The following POU4F1 variants were observed in gnomAD, a reference collection of about 807,000 sequenced individuals.
POU4F1 encodes POU domain, class 4, transcription factor 1.
A neutral mutation model predicts 19.8 loss-of-function variants in POU4F1; 5 were observed. That is an observed-to-expected ratio of 0.25 (90% CI 0.13 to 0.53). The LOEUF is 0.53. Among genes scored for constraint, POU4F1 ranks in the 20% least tolerant of loss-of-function variants. The pLI, the probability that POU4F1 is intolerant of heterozygous loss-of-function variation, is 0.96. For synonymous variants in POU4F1, 266 were observed against 247.7 expected (o/e 1.07, Z -0.69); for missense variants, 408 against 511.6 (o/e 0.80, Z 1.95).
At position 78,601,627 on chromosome 13, in the gene POU4F1, A is replaced by G. The variant is rs982672511; in HGVS notation, c.1048T>C (p.Phe350Leu). The G allele has an allele frequency of 8.7e-6, 14 of 1,613,842 alleles. No individual in the cohort carries two copies. Among genetic ancestry groups the G allele is most frequent in the Middle Eastern group, 1.6e-4 (1 of 6,062 alleles). The change falls in exon 2 of 2, where the codon TTC becomes CTC. Residue 350 changes from phenylalanine (F) to leucine (L), a missense_variant. Phe to Leu is a conservative substitution (Grantham distance 22). Around this residue, in one of 4 missense-constraint regions of POU4F1, gnomAD observed 39 missense variants for 36.8 expected, o/e 1.06. Transcript: ENST00000377208. ...QREKMNKPEL[F>L]NGGEKKRKRT... ...TTGCGCTTCTTCTCGCCGCCGTTGA[A>G]GAGCTCAGGCTTGTTCATTTTCTCG... is the stretch of plus-strand genomic sequence containing the variant.
chr13:78,603,153 G>A (rs1874781684), intron 1 of POU4F1, 51 bp downstream of exon 1: 1 of 1,288,338 alleles, frequency 7.8e-7, no homozygotes, highest in Non-Finnish European at 1.0e-6. Context: ...GCGTTTCGGA[G>A]ACGGGGAGGG....
chr13:78,603,297 G>C lies in POU4F1; in HGVS notation c.30C>G (p.His10Gln). The stretch of plus-strand genomic sequence containing the variant: ...CAGGGAGGGTGGGATGCATGGCAAA[G>C]TGAGGCTGCTTGCTGTTCATGGACA... MMSMNSKQP[H>Q]FAMHPTLPEH... The change falls in exon 1 of 2, where the codon CAC (histidine) becomes CAG (glutamine). Residue 10 changes from histidine (H) to glutamine (Q), a missense_variant. By Grantham distance (24) the His-to-Gln change is conservative (BLOSUM62 0). This residue lies in a region of POU4F1 where 294 missense variants were observed against 288.2 expected (regional missense o/e 1.02). Transcript: ENST00000377208. 2 of 1,581,052 alleles carry C rather than the reference G, an allele frequency of 1.3e-6. No homozygotes were observed. The highest frequency in any genetic ancestry group is 1.7e-6 in the Non-Finnish European group (2 of 1,164,646).
At position 78,602,491 on chromosome 13, in the gene POU4F1, C is replaced by T; in HGVS notation, c.184G>A (p.Ala62Thr). 5.0e-6 allele frequency: 8 copies of T among 1,596,356 alleles called. No individual in the cohort carries two copies. Among genetic ancestry groups the T allele is most frequent in the Admixed American group, 1.7e-5 (1 of 57,958 alleles). The stretch of plus-strand genomic sequence containing the variant: ...TGGGACACGGCGATGTCCACGGCCG[C>T]CAGCGCCTCGGCCCGCGCCAGCAGC... Reference protein sequence around the residue: ...ETLLARAEALAAVDIAVSQGK... With the variant: ...ETLLARAEALTAVDIAVSQGK... The change falls in exon 2 of 2, where the codon GCG becomes ACG. Residue 62 changes from alanine to threonine, a missense_variant. By Grantham distance (58) the Ala-to-Thr change is moderately conservative. Transcript: ENST00000377208.
Position 78,601,886 on chromosome 13 carries a change from C to T in POU4F1, c.789G>A (p.Thr263=), listed in dbSNP as rs770801777. ...CGAACGCCTCGAGCTCGCGCGGGTC[C>T]GTGTCCGAGTCGCAGATGGACGCCA... ...AGLASICDSD[T]DPRELEAFAE... Residue 263 remains threonine, a synonymous_variant, in exon 2 of 2, where the codon ACG becomes ACA. Transcript: ENST00000377208. 3.9e-6 allele frequency: 6 copies of T among 1,555,716 alleles called. No individual in the cohort carries two copies. Among genetic ancestry groups the T allele is most frequent in the Non-Finnish European group, 3.5e-6 (4 of 1,158,692 alleles).
intron 1 of POU4F1, among the ~76,000 whole-genome samples, 193 bp from the exon 2 acceptor site, chr13:78,602,744 G>C (rs1874766881): frequency 7.1e-6 from 1 of 140,638 alleles, no homozygotes; most frequent in East Asian, 2.3e-4. Flanking sequence ...GACCAGGGAG[G>C]GGGCAGACGA....
rs1874717607 is a variant in POU4F1, at chr13:78,601,986, G to T, written c.689C>A (p.Ala230Glu). The change falls in exon 2 of 2, where the codon GCG becomes GAG. Residue 230 changes from alanine (A) to glutamate (E), a missense_variant. Coordinates refer to ENST00000377208, the MANE Select transcript of POU4F1 (RefSeq NM_006237.4). ...CCCGGCCGCCGCCGCCGCCGCTGCC[G>T]CTGCCGCGCCGTGGTGCGCCGCCGC... ...VAAAAHHGAAAAAAAAAAGQV... is the reference protein window; with the variant it reads ...VAAAAHHGAAEAAAAAAAGQV... 1.0e-6 allele frequency: 1 copy of T among 983,640 alleles called. No individual in the cohort carries two copies. Among genetic ancestry groups the T allele is most frequent in the East Asian group, 1.0e-4 (1 of 10,024 alleles). 60.9% of individuals were successfully genotyped at this position (983,640 alleles called of 1,614,324 possible). A position where few individuals can be genotyped will look rare whatever the true frequency, so the allele number is the denominator to read the frequency against.
In POU4F1 at chr13:78,601,706, G is replaced by A. The variant is rs748005898; in HGVS notation, c.969C>T (p.Ile323=). ...ESLTLSHNNM[I]ALKPILQAWL... ...ACGCCTGCAGGATGGGCTTGAGCGC[G>A]ATCATGTTGTTGTGCGAGAGCGTGA... Residue 323 remains isoleucine, a synonymous_variant, in exon 2 of 2, where the codon ATC becomes ATT. Transcript: ENST00000377208. 6.2e-6 allele frequency: 10 copies of A among 1,613,936 alleles called. No homozygotes were observed. In the South Asian group the frequency reaches 1.1e-4, roughly 18 times the overall value.
Position 78,603,132 on chromosome 13 carries a change from C to G in POU4F1, c.123+72G>C. On this transcript the variant is annotated intron_variant, in intron 1 of 1. Coordinates refer to ENST00000377208, the MANE Select transcript of POU4F1 (RefSeq NM_006237.4). The stretch of plus-strand genomic sequence containing the variant: ...GCACCGGGACCTGCACACACCAGCC[C>G]CCGACATGCAGCGTTTCGGAGACGG... The G allele has an allele frequency of 4.1e-6, 5 of 1,212,306 alleles. No individual in the cohort carries two copies. In the South Asian group the frequency reaches 8.2e-5, roughly 20 times the overall value. 75.1% of individuals were successfully genotyped at this position (1,212,306 alleles called of 1,614,324 possible).
Position 78,601,518 on chromosome 13 carries a change from G to A in POU4F1, c.1157C>T (p.Ala386Val). The change falls in exon 2 of 2, where the codon GCC becomes GTC. Residue 386 changes from alanine to valine, a missense_variant. Coordinates refer to ENST00000377208, the MANE Select transcript of POU4F1 (RefSeq NM_006237.4). ...GAGGTCCAGTTTCTCGGCGATGGCG[G>A]CGATCTTCTCGGACGAGGGCCGGGG... Reference protein sequence around the residue: ...VQPRPSSEKIAAIAEKLDLKK... With the variant: ...VQPRPSSEKIVAIAEKLDLKK... 6.2e-7 allele frequency: 1 copy of A among 1,613,964 alleles called. No individual in the cohort carries two copies.
At position 78,599,718 on chromosome 13, in the gene POU4F1, T is replaced by C. The variant is rs1200984056; in HGVS notation, c.*1697A>G. The C allele has an allele frequency of 6.6e-6, 1 of 152,496 alleles. No individual in the cohort carries two copies. Among genetic ancestry groups the C allele is most frequent in the Non-Finnish European group, 1.5e-5 (1 of 68,026 alleles). 9.4% of individuals were successfully genotyped at this position (152,496 alleles called of 1,614,324 possible). A position where few individuals can be genotyped will look rare whatever the true frequency, so the allele number is the denominator to read the frequency against. On this transcript the variant is annotated 3_prime_UTR_variant, in exon 2 of 2. Coordinates refer to ENST00000377208, the MANE Select transcript of POU4F1 (RefSeq NM_006237.4). ...TTTTTTTCTTTTCTCATTTGTTCTG[T>C]TTTCAATGTTTTAGTTATGATTAAA...
rs1209665732 is a variant in POU4F1, at chr13:78,599,588, T to C, written c.*1827A>G. 2 of 152,638 alleles carry C rather than the reference T, an allele frequency of 1.3e-5. No individual in the cohort carries two copies. Among genetic ancestry groups the C allele is most frequent in the Non-Finnish European group, 2.9e-5 (2 of 68,032 alleles). 9.5% of individuals were successfully genotyped at this position (152,638 alleles called of 1,614,324 possible). Reference sequence around the variant, plus strand: ...AATGTTTGCCCTGCAAACAATGATATACAACATAATTAAATAAATAATGCC... The same window carrying C: ...AATGTTTGCCCTGCAAACAATGATACACAACATAATTAAATAAATAATGCC... On this transcript the variant is annotated 3_prime_UTR_variant, in exon 2 of 2. Coordinates refer to ENST00000377208, the MANE Select transcript of POU4F1 (RefSeq NM_006237.4).
rs778683680 is a variant in POU4F1, at chr13:78,600,238, A to G, written c.*1177T>C. ...TTCAGTGGAGAAAACAGGAGAGAGT[A>G]TCTCTCCTAATAACTTTCACCCCAT... On this transcript the variant is annotated 3_prime_UTR_variant, in exon 2 of 2. Transcript: ENST00000377208. 1.3e-5 allele frequency: 2 copies of G among 152,322 alleles called. No individual in the cohort carries two copies. Among genetic ancestry groups the G allele is most frequent in the African/African-American group, 4.8e-5 (2 of 41,570 alleles). The allele number at this position is 152,322 out of a possible 1,614,324, so 9.4% of individuals were successfully genotyped here. A position where few individuals can be genotyped will look rare whatever the true frequency, so the allele number is the denominator to read the frequency against.
Position 78,601,339 on chromosome 13 carries a change from A to G in POU4F1, c.*76T>C. 1 of 1,587,966 alleles carries G rather than the reference A, an allele frequency of 6.3e-7. No individual in the cohort carries two copies. Among genetic ancestry groups the G allele is most frequent in the Non-Finnish European group, 8.6e-7 (1 of 1,169,552 alleles). ...TAACGGACACTCCAAATCCGAGGGG[A>G]GGCAAGCAGAGGAAAGCCCCCCAAA... is the stretch of plus-strand genomic sequence containing the variant. On this transcript the variant is annotated 3_prime_UTR_variant, in exon 2 of 2. Coordinates refer to ENST00000377208, the MANE Select transcript of POU4F1 (RefSeq NM_006237.4).
Position 78,603,210 on chromosome 13 carries a change from C to G in POU4F1, c.117G>C (p.Thr39=), listed in dbSNP as rs1464849010. ...GCGGGCGTGGGGCGCTTACCGGCGGCGTGGGCAGGCAGGCCCGCCGGATGG... is the reference window on the plus strand; with the variant it reads ...GCGGGCGTGGGGCGCTTACCGGCGGGGTGGGCAGGCAGGCCCGCCGGATGG... ...SEAIRRACLP[T]PPLQSNLFAS... is the part of the protein sequence containing the mutation. Residue 39 remains threonine, a synonymous_variant, in exon 1 of 2, where the codon ACG becomes ACC. Coordinates refer to ENST00000377208, the MANE Select transcript of POU4F1 (RefSeq NM_006237.4). The G allele has an allele frequency of 4.5e-6, 7 of 1,540,816 alleles. No homozygotes were observed. The highest frequency in any genetic ancestry group is 6.1e-6 in the Non-Finnish European group (7 of 1,144,924).
In POU4F1 at chr13:78,602,018, C is replaced by A. The variant is rs1337314001; in HGVS notation, c.657G>T (p.Leu219=). 10 of 829,218 alleles carry A rather than the reference C, an allele frequency of 1.2e-5. No individual in the cohort carries two copies. The South Asian group carries it at 5.2e-4, about 43-fold the overall frequency. The allele number at this position is 829,218 out of a possible 1,614,324, so 51.4% of individuals were successfully genotyped here. A position where few individuals can be genotyped will look rare whatever the true frequency, so the allele number is the denominator to read the frequency against. Residue 219 remains leucine, a synonymous_variant, in exon 2 of 2, where the codon CTG becomes CTT. Transcript: ENST00000377208. ...NMPSGLPHPG[L]VAAAAHHGAA... ...CGCCGTGGTGCGCCGCCGCCGCCAC[C>A]AGCCCGGGGTGCGGCAGCCCGGACG...
In POU4F1 at chr13:78,599,953, C is replaced by T. The variant is rs1321104135; in HGVS notation, c.*1462G>A. ...AAGTTCTTGCTACCCAACATTTATC[C>T]CCTGTAATAAATGACTCTTGAATAA... On this transcript the variant is annotated 3_prime_UTR_variant, in exon 2 of 2. Coordinates refer to ENST00000377208, the MANE Select transcript of POU4F1 (RefSeq NM_006237.4). 6.6e-6 allele frequency: 1 copy of T among 152,458 alleles called. No individual in the cohort carries two copies. The highest frequency in any genetic ancestry group is 1.5e-5 in the Non-Finnish European group (1 of 68,020). 9.4% of individuals were successfully genotyped at this position (152,458 alleles called of 1,614,324 possible). A position where few individuals can be genotyped will look rare whatever the true frequency, so the allele number is the denominator to read the frequency against.
In POU4F1 at chr13:78,603,321, C is replaced by G; in HGVS notation, c.6G>C (p.Met2Ile). Residue 2 changes from methionine to isoleucine, a missense_variant, in exon 1 of 2, where the codon ATG (methionine) becomes ATC (isoleucine). By Grantham distance (10) the Met-to-Ile change is conservative (BLOSUM62 1). Coordinates refer to ENST00000377208, the MANE Select transcript of POU4F1 (RefSeq NM_006237.4). M[M>I]SMNSKQPHFA... ...AGTGAGGCTGCTTGCTGTTCATGGA[C>G]ATCATCGTGGCGGCTTGGCATGTAT... 6.3e-7 allele frequency: 1 copy of G among 1,578,288 alleles called. No individual in the cohort carries two copies. Among genetic ancestry groups the G allele is most frequent in the South Asian group, 1.1e-5 (1 of 88,384 alleles).
rs926633385 is a variant in POU4F1, at chr13:78,603,362, G to T, written c.-36C>A. ...TGGCATGTATATCCACAAACACTCC[G>T]AAAGTCCGCGGGAAAGTGCGTACGC... On this transcript the variant is annotated 5_prime_UTR_variant, in exon 1 of 2. Transcript: ENST00000377208. 1.3e-6 allele frequency: 2 copies of T among 1,550,130 alleles called. No individual in the cohort carries two copies. The highest frequency in any genetic ancestry group is 1.9e-5 in the Admixed American group (1 of 52,340).
In POU4F1 at chr13:78,602,252, G is replaced by A; in HGVS notation, c.423C>T (p.Gly141=). Residue 141 remains glycine (G), a synonymous_variant, in exon 2 of 2, where the codon GGC becomes GGT. Transcript: ENST00000377208. The part of the protein sequence containing the change: ...AGGAGAAAGG[G]GAHDGPGGGG... The stretch of plus-strand genomic sequence containing the variant: ...CGCCCCCCGGGCCGTCGTGGGCGCC[G>A]CCGCCGCCGGCCGCCGCGCCCGCGC... 13 of 989,832 alleles carry A rather than the reference G, an allele frequency of 1.3e-5. No individual in the cohort carries two copies. The highest frequency in any genetic ancestry group is 1.6e-5 in the Non-Finnish European group (13 of 834,404). The allele number at this position is 989,832 out of a possible 1,614,324, so 61.3% of individuals were successfully genotyped here. A position where few individuals can be genotyped will look rare whatever the true frequency, so the allele number is the denominator to read the frequency against.
Sources: gnomAD v4.1 joint callset for allele counts (sites outside exome capture counted in the v4.1 genomes callset) on GRCh38, gnomAD v4.1.1 for gene constraint, gnomAD v4.1.1 regional missense constraint, MANE v1.5 for transcripts, NCBI Gene and HGNC (gene_info 2026-07-23, HGNC 2026-07-21) for gene names.